Variants in MIS18BP1 observed in about 807,000 individuals in gnomAD.
The protein encoded by MIS18BP1 is MIS18 binding protein 1, also known as mis18-binding protein 1.
In MIS18BP1, 72 loss-of-function variants were observed where a neutral mutation model predicts 116.1. The ratio of observed to expected loss-of-function variants is 0.62; its 90% CI spans 0.51 to 0.75. MIS18BP1 has a LOEUF of 0.75. MIS18BP1 is among the 30% of genes least tolerant of loss of function. The pLI is 0.00. For synonymous variants in MIS18BP1, 386 were observed against 427.0 expected, an observed-to-expected ratio of 0.90 and a Z score of 1.18; for missense variants, 1,363 against 1,303.2, an observed-to-expected ratio of 1.05 and a Z score of -0.71.
At chr14:45,205,499 AAG>A (rs978030619) in intron 15 of MIS18BP1, among the ~76,000 whole-genome samples, 104 of 152,296 alleles carry the variant, frequency 6.8e-4, no homozygotes, top group African/African-American at 2.1e-3. Context: ...AAAATTTAAA[AAG>A]TAATTCAAGG....
In MIS18BP1 at chr14:45,233,182, G is replaced by C. The variant is rs192614235; in HGVS notation, c.1349-362C>G. On this transcript the variant is annotated intron_variant, in intron 6 of 16. Coordinates refer to ENST00000310806, the MANE Select transcript of MIS18BP1 (RefSeq NM_018353.5). ...AATGAAATAGCATCATTTGAACAAAGTGATTGAGCTATGTGGCAATATTGG... is the reference window on the plus strand; with the variant it reads ...AATGAAATAGCATCATTTGAACAAACTGATTGAGCTATGTGGCAATATTGG... Among the ~76,000 whole-genome samples the C allele has an allele frequency of 7.2e-4, 109 of 152,268 alleles. 2 individuals are homozygous for C. Among genetic ancestry groups the C allele is most frequent in the African/African-American group, 2.5e-3 (104 of 41,558 alleles).
intron 3 of MIS18BP1, 63 bp downstream of exon 3, chr14:45,242,694 GTAAT>G: frequency 6.8e-7 from 1 of 1,477,530 alleles, no homozygotes; most frequent in Non-Finnish European, 9.2e-7. Flanking sequence ...CACAAGGAAA[GTAAT>G]TACCTAGAAC....
chr14:45,206,012 T>TA, intron 15 of MIS18BP1, 71 bp downstream of exon 15: 3 of 1,000,476 alleles, frequency 3.0e-6, no homozygotes, highest in Non-Finnish European at 4.6e-6. Flanking sequence ...TTACATGACT[T>TA]ACAACTACCA....
chr14:45,208,107 AACT>A (rs1250089308), intron 14 of MIS18BP1, among the ~76,000 whole-genome samples: 2 of 152,188 alleles, frequency 1.3e-5, no homozygotes, highest in Non-Finnish European at 2.9e-5. Flanking sequence ...AGCTTTTGAA[AACT>A]ACTATCCACT....
chr14:45,227,561 A>C (rs1439578418), intron 9 of MIS18BP1, 102 bp downstream of exon 9: 3 of 1,059,348 alleles, frequency 2.8e-6, no homozygotes, highest in South Asian at 1.8e-5. Flanking sequence ...AAAAAAAAAA[A>C]AAAACAGAAC....
At chr14:45,241,158 A>G (rs1177079700) in intron 4 of MIS18BP1, among the ~76,000 whole-genome samples, 1 of 152,218 alleles carries the variant, frequency 6.6e-6, no homozygotes, top group East Asian at 1.9e-4. Flanking sequence ...TCTCAACTTG[A>G]TAACCACCAT....
At chr14:45,205,787 T>C (rs749140320) in intron 15 of MIS18BP1, among the ~76,000 whole-genome samples, 2 of 152,204 alleles carry the variant, frequency 1.3e-5, no homozygotes, top group Non-Finnish European at 2.9e-5. Flanking sequence ...TTTTGTGTTT[T>C]TGTGTTTTGC....
intron 7 of MIS18BP1, among the ~76,000 whole-genome samples, chr14:45,231,792 T>C (rs1250359000): frequency 6.6e-6 from 1 of 152,196 alleles, no homozygotes; most frequent in Non-Finnish European, 1.5e-5. Context: ...TTATTATATT[T>C]GTGCTGTGAT....
At chr14:45,204,328 T>G (rs1890451360) in intron 16 of MIS18BP1, 71 bp downstream of exon 16, 1 of 1,537,700 alleles carries the variant, frequency 6.5e-7, no homozygotes, top group Admixed American at 2.0e-5. Context: ...CAATTAATTT[T>G]AATACCATTT....
At chr14:45,217,996 G>T (rs1344565044) in intron 12 of MIS18BP1, among the ~76,000 whole-genome samples, 1 of 152,046 alleles carries the variant, frequency 6.6e-6, no homozygotes. Flanking sequence ...GACCCAAGTG[G>T]TCTTTAATTA....
intron 7 of MIS18BP1, chr14:45,232,416 C>CAA (rs532665472): frequency 0.046 from 4,318 of 93,862 alleles, 69 homozygotes; most frequent in African/African-American, 0.089. Flanking sequence ...GATTCCATCT[C>CAA]AAAAAAAAAA....
intron 11 of MIS18BP1, among the ~76,000 whole-genome samples, chr14:45,219,290 T>C (rs1890908416): frequency 6.6e-6 from 1 of 152,216 alleles, no homozygotes; most frequent in Admixed American, 6.5e-5. Context: ...TGTAGCAGTA[T>C]GTGGGAAAGT....
intron 11 of MIS18BP1, among the ~76,000 whole-genome samples, chr14:45,220,634 T>C (rs564452697): frequency 4.3e-4 from 65 of 152,306 alleles, no homozygotes; most frequent in African/African-American, 1.5e-3. Flanking sequence ...AATATGCCTT[T>C]GAAATTCAAC....
At chr14:45,212,338 A>G (rs1210842081) in intron 13 of MIS18BP1, among the ~76,000 whole-genome samples, 2 of 152,156 alleles carry the variant, frequency 1.3e-5, no homozygotes. Context: ...CCTGGGCCAT[A>G]AACACCGTTA....
rs149592851 is a variant in MIS18BP1 at position 45,247,052 on chromosome 14, T to C, written c.235A>G (p.Met79Val). 19 of 1,613,252 alleles carry C rather than the reference T, an allele frequency of 1.2e-5. 1 individual carries two copies. Among genetic ancestry groups the C allele is most frequent in the African/African-American group, 1.1e-4 (8 of 74,914 alleles). The change falls in exon 2 of 17, where the codon ATG becomes GTG. Residue 79 changes from methionine (M) to valine (V), a missense_variant. By Grantham distance (21) the Met-to-Val change is conservative. Coordinates refer to ENST00000310806, the MANE Select transcript of MIS18BP1 (RefSeq NM_018353.5). ...TTAGAGGTAGTAGCCTCTGTTAGCA[T>C]AGTTGATTGAAATATATTTTTATTG... ...FNNKNIFQST[M>V]LTEATTSNSS...
rs755919929 is a variant in MIS18BP1 at position 45,210,564 on chromosome 14, A to G, written c.3004-36T>C. On this transcript the variant is annotated intron_variant, in intron 13 of 16. Coordinates refer to ENST00000310806, the MANE Select transcript of MIS18BP1 (RefSeq NM_018353.5). The stretch of plus-strand genomic sequence containing the variant: ...AGTATTTATTATCAGCAGGCACCCC[A>G]TAAAAGGTATTTTCTCATTATCACA... The G allele has an allele frequency of 1.5e-5, 24 of 1,608,746 alleles. 1 individual carries two copies. In the South Asian group the frequency reaches 2.3e-4, roughly 16 times the overall value.
rs1566802175 is a variant in MIS18BP1 at position 45,210,549 on chromosome 14, A to G, written c.3004-21T>C. 2.5e-6 allele frequency: 4 copies of G among 1,613,160 alleles called. No homozygotes were observed. The South Asian group carries it at 4.4e-5, about 18-fold the overall frequency. On this transcript the variant is annotated intron_variant, in intron 13 of 16. Transcript: ENST00000310806. ...GGCAACTAGAAAACAAGTATTTATT[A>G]TCAGCAGGCACCCCATAAAAGGTAT... is the stretch of plus-strand genomic sequence containing the variant.
At chr14:45,232,018 A>T (rs933521513) in intron 7 of MIS18BP1, among the ~76,000 whole-genome samples, 5 of 152,220 alleles carry the variant, frequency 3.3e-5, no homozygotes, top group African/African-American at 1.2e-4. Flanking sequence ...ACTCTTTGAC[A>T]TATGTCAAAA....
At chr14:45,227,232 G>A (rs921296860) in intron 9 of MIS18BP1, among the ~76,000 whole-genome samples, 2 of 152,094 alleles carry the variant, frequency 1.3e-5, no homozygotes, top group African/African-American at 4.8e-5. Context: ...CTCTTGGCTG[G>A]GCGCAGTGGC....
Sources: gnomAD v4.1 joint callset for allele counts (sites outside exome capture counted in the v4.1 genomes callset) on GRCh38, gnomAD v4.1.1 for gene constraint, MANE v1.5 for transcripts, NCBI Gene and HGNC (gene_info 2026-07-23, HGNC 2026-07-21) for gene names.